The following TNFSF13B variants were observed in gnomAD, a reference collection of about 807,000 sequenced individuals.
TNFSF13B encodes TNF superfamily member 13b.
A neutral mutation model predicts 29.1 loss-of-function variants in TNFSF13B; 8 were observed. The observed-to-expected ratio is 0.27, with a 90% CI of 0.16 to 0.50. TNFSF13B has a LOEUF of 0.50. Ranked by LOEUF, TNFSF13B falls within the 20% of genes least tolerant of loss-of-function variation. The pLI, the probability that TNFSF13B is intolerant of heterozygous loss-of-function variation, is 0.98. For missense variants in TNFSF13B, 248 were observed against 334.9 expected, an observed-to-expected ratio of 0.74 and a Z score of 2.03; for synonymous variants, 125 against 130.8, an observed-to-expected ratio of 0.96 and a Z score of 0.30.
At chr13:108,292,673 A>T (rs1881353781) in intron 3 of TNFSF13B, among the ~76,000 whole-genome samples, 1 of 151,912 alleles carries the variant, frequency 6.6e-6, no homozygotes, top group African/African-American at 2.4e-5. Context: ...CATTTTCCTT[A>T]TGACTGATGA....
intron 2 of TNFSF13B, among the ~76,000 whole-genome samples, chr13:108,281,519 C>G (rs1451628978): frequency 6.6e-6 from 1 of 152,190 alleles, no homozygotes; most frequent in Admixed American, 6.5e-5. Context: ...CATCCTCACC[C>G]TATGTCTTTT....
chr13:108,285,575 T>A (rs1004570692), intron 2 of TNFSF13B, among the ~76,000 whole-genome samples: 2 of 152,196 alleles, frequency 1.3e-5, no homozygotes, highest in Non-Finnish European at 2.9e-5. Context: ...ATAGAAAAGG[T>A]ATAGTAAAAA....
rs1256476853 is a variant in TNFSF13B at position 108,281,787 on chromosome 13, A to G, written c.425-5016A>G. On this transcript the variant is annotated intron_variant, in intron 2 of 5. Transcript: ENST00000375887. ...AAACTGCTTATCGTTGGTCAACCTTATAAACTAGCTTCCCTCCTCTAAATT... is the reference window on the plus strand; with the variant it reads ...AAACTGCTTATCGTTGGTCAACCTTGTAAACTAGCTTCCCTCCTCTAAATT... 2.0e-5 allele frequency among the ~76,000 whole-genome samples: 3 copies of G among 152,242 alleles called. No homozygotes were observed. In the East Asian group the frequency reaches 5.8e-4, roughly 29 times the overall value.
At chr13:108,306,113 G>T (rs985291924) in intron 5 of TNFSF13B, among the ~76,000 whole-genome samples, 1 of 151,930 alleles carries the variant, frequency 6.6e-6, no homozygotes. Flanking sequence ...AATGTATTTT[G>T]TATTACTAAT....
At chr13:108,300,489 G>T (rs192981116) in intron 3 of TNFSF13B, among the ~76,000 whole-genome samples, 47 of 152,252 alleles carry the variant, frequency 3.1e-4, no homozygotes, top group African/African-American at 1.1e-3. Context: ...TCATCAGTTT[G>T]TGTTTTACAA....
intron 3 of TNFSF13B, among the ~76,000 whole-genome samples, chr13:108,301,502 G>A (rs1165970359): frequency 6.6e-6 from 1 of 152,172 alleles, no homozygotes; most frequent in African/African-American, 2.4e-5. Context: ...CAGTAACATG[G>A]ATGAACTTGG....
At chr13:108,302,533 G>T (rs1435966246) in intron 3 of TNFSF13B, among the ~76,000 whole-genome samples, 1 of 81,460 alleles carries the variant, frequency 1.2e-5, no homozygotes, top group African/African-American at 6.8e-5. Context: ...GCTCAGCAAT[G>T]TAGTCCCCCC....
intron 2 of TNFSF13B, among the ~76,000 whole-genome samples, chr13:108,278,459 G>A (rs1225792702): frequency 6.6e-6 from 1 of 151,640 alleles, no homozygotes; most frequent in African/African-American, 2.4e-5. Context: ...AGGCATAGAG[G>A]CTTATCCCAT....
chr13:108,290,302 C>A (rs1465283260), intron 3 of TNFSF13B, among the ~76,000 whole-genome samples: 2 of 152,106 alleles, frequency 1.3e-5, no homozygotes, highest in Admixed American at 6.5e-5. Flanking sequence ...CAATAGACTT[C>A]TTGGTGTCCA....
At chr13:108,286,571 A>G (rs1387732846) in intron 2 of TNFSF13B, among the ~76,000 whole-genome samples, 8 of 152,158 alleles carry the variant, frequency 5.3e-5, no homozygotes, top group Admixed American at 6.5e-5. Context: ...GGGTGATATT[A>G]TATTTTAACA....
At chr13:108,294,201 A>G (rs61972013) in intron 3 of TNFSF13B, among the ~76,000 whole-genome samples, 6 of 143,094 alleles carry the variant, frequency 4.2e-5, no homozygotes, top group Non-Finnish European at 7.6e-5. Flanking sequence ...TTTTTTTGAG[A>G]TGGAGTTTTG....
chr13:108,304,437 G>A (rs1881714101), intron 5 of TNFSF13B, among the ~76,000 whole-genome samples: 1 of 152,180 alleles, frequency 6.6e-6, no homozygotes, highest in South Asian at 2.1e-4. Flanking sequence ...ACCTACCTTT[G>A]CACCCAGGAG....
At chr13:108,270,511 A>G (rs1880584550) in intron 2 of TNFSF13B, 87 bp downstream of exon 2, 1 of 1,247,428 alleles carries the variant, frequency 8.0e-7, no homozygotes. Flanking sequence ...TATCCCCTCT[A>G]TGAACCTATT....
intron 3 of TNFSF13B, chr13:108,302,756 C>T (rs1416431545): frequency 1.1e-6 from 1 of 938,228 alleles, no homozygotes; most frequent in Non-Finnish European, 1.3e-6. Context: ...GTCTTAGTCA[C>T]TTTCTTCTTT....
At chr13:108,289,619 T>G (rs1306089728) in intron 3 of TNFSF13B, among the ~76,000 whole-genome samples, 2 of 148,026 alleles carry the variant, frequency 1.4e-5, no homozygotes, top group Non-Finnish European at 3.0e-5. Context: ...TATTATTATC[T>G]TCTGGGGAAA....
intron 2 of TNFSF13B, among the ~76,000 whole-genome samples, chr13:108,286,433 A>T (rs903356450): frequency 1.3e-5 from 2 of 152,098 alleles, no homozygotes; most frequent in Admixed American, 1.3e-4. Context: ...AGATTTTTTA[A>T]AACCAAAGAT....
chr13:108,280,204 T>C (rs1377003442), intron 2 of TNFSF13B, among the ~76,000 whole-genome samples: 4 of 152,040 alleles, frequency 2.6e-5, no homozygotes, highest in Non-Finnish European at 5.9e-5. Context: ...CCATTCGAAC[T>C]TGATTATTAG....
At chr13:108,281,961 C>A (rs1880970087) in intron 2 of TNFSF13B, among the ~76,000 whole-genome samples, 1 of 151,538 alleles carries the variant, frequency 6.6e-6, no homozygotes, top group South Asian at 2.1e-4. Flanking sequence ...ATTATTTATT[C>A]AAAGCTAGTT....
chr13:108,281,679 G>C (rs1880961690), intron 2 of TNFSF13B, among the ~76,000 whole-genome samples: 1 of 152,094 alleles, frequency 6.6e-6, no homozygotes, highest in South Asian at 2.1e-4. Flanking sequence ...ATTTCTAGTA[G>C]GCCAATATGT....
Sources: allele counts gnomAD v4.1 joint callset (sites outside exome capture counted in the v4.1 genomes callset), GRCh38; gene constraint gnomAD v4.1.1; transcripts MANE v1.5; gene names NCBI Gene and HGNC (gene_info 2026-07-23, HGNC 2026-07-21).